Variants in MSRA observed in about 807,000 individuals in gnomAD.
The protein encoded by MSRA is mitochondrial peptide methionine sulfoxide reductase.
Under a neutral mutation model 31.3 loss-of-function variants are expected in MSRA, and 54 were observed. The ratio of observed to expected loss-of-function variants is 1.73; its 90% CI spans 1.39 to 2.17. The LOEUF (loss-of-function observed/expected upper bound fraction) is 2.17, where lower values mean the gene tolerates loss of function less well. Among genes scored for constraint, MSRA ranks in the 30% most tolerant of loss-of-function variants. The probability of loss-of-function intolerance (pLI) is 0.00; values close to 1 mark genes in which losing one functional copy is unlikely to be tolerated. For missense variants in MSRA, 507 were observed against 300.9 expected (o/e 1.69, Z -5.07); for synonymous variants, 169 against 116.5 (o/e 1.45, Z -2.90).
At chr8:10,353,396 G>A (rs542008684) in intron 5 of MSRA, among the ~76,000 whole-genome samples, 34 of 152,332 alleles carry the variant, frequency 2.2e-4, no homozygotes, top group African/African-American at 7.2e-4. Flanking sequence ...CGTCCGTGGC[G>A]TGTACGGAGG....
rs531869671 is a variant in MSRA, at chr8:10,366,385, C to T, written c.543+46396C>T. Among the ~76,000 whole-genome samples, 36 of 152,358 alleles carry T rather than the reference C, an allele frequency of 2.4e-4. No homozygotes were observed. In the South Asian group the frequency reaches 2.7e-3, roughly 11 times the overall value. On this transcript the variant is annotated intron_variant, in intron 5 of 5. Transcript: ENST00000317173. ...GAAGATGCGAGGGCCCCAGGCTGGG[C>T]AGGGCACTGCGTGGCCCTGAGCCAG...
At chr8:10,131,816 G>C (rs186727844) in intron 1 of MSRA, among the ~76,000 whole-genome samples, 66 of 152,244 alleles carry the variant, frequency 4.3e-4, no homozygotes, top group Non-Finnish European at 8.4e-4. Context: ...CACACAGGAG[G>C]GAAATGGAGA....
intron 1 of MSRA, among the ~76,000 whole-genome samples, chr8:10,205,723 A>G (rs1808904214): frequency 6.6e-6 from 1 of 152,236 alleles, no homozygotes; most frequent in South Asian, 2.1e-4. Flanking sequence ...AATGTCTTGC[A>G]TAGTCTTTGT....
At chr8:10,286,376 G>A (rs1396308156) in intron 3 of MSRA, among the ~76,000 whole-genome samples, 1 of 152,128 alleles carries the variant, frequency 6.6e-6, no homozygotes, top group Non-Finnish European at 1.5e-5. Flanking sequence ...GAGATCTCAT[G>A]GTTATAAAAA....
At chr8:10,235,831 C>T (rs1269415217) in intron 2 of MSRA, among the ~76,000 whole-genome samples, 2 of 151,982 alleles carry the variant, frequency 1.3e-5, no homozygotes, top group East Asian at 3.9e-4. Context: ...AACCTTGATA[C>T]CAATTCTGGA....
intron 5 of MSRA, among the ~76,000 whole-genome samples, chr8:10,420,191 C>A (rs1275682679): frequency 6.9e-6 from 1 of 144,726 alleles, no homozygotes; most frequent in East Asian, 2.0e-4. Context: ...AAAAGACATA[C>A]TGTGGAATTC....
In MSRA at chr8:10,158,499, T is replaced by A. The variant is rs187550707; in HGVS notation, c.143-49334T>A. On this transcript the variant is annotated intron_variant, in intron 1 of 5. Coordinates refer to ENST00000317173, the MANE Select transcript of MSRA (RefSeq NM_012331.5). The stretch of plus-strand genomic sequence containing the variant: ...TATGTGGCCTATTGGCTTCTTTCAC[T>A]AGCATAAGTTTTCAGGATTCATCTG... Among the ~76,000 whole-genome samples the A allele has an allele frequency of 1.8e-3, 276 of 152,360 alleles. 1 individual carries two copies. The highest frequency in any genetic ancestry group is 3.3e-3 in the Admixed American group (50 of 15,304).
intron 5 of MSRA, among the ~76,000 whole-genome samples, chr8:10,388,426 T>C (rs1379339871): frequency 6.6e-6 from 1 of 152,202 alleles, no homozygotes; most frequent in Non-Finnish European, 1.5e-5. Context: ...ACTTCTCTGT[T>C]TTCAGAGCTT....
chr8:10,248,788 C>A (rs1290783655), intron 3 of MSRA, among the ~76,000 whole-genome samples: 2 of 152,172 alleles, frequency 1.3e-5, no homozygotes, highest in Non-Finnish European at 2.9e-5. Flanking sequence ...TCATGGTGGG[C>A]AGTCTCCATT....
chr8:10,237,787 C>G (rs916003267), intron 2 of MSRA, among the ~76,000 whole-genome samples: 25 of 152,216 alleles, frequency 1.6e-4, no homozygotes, highest in Non-Finnish European at 4.4e-5. Context: ...TTGGCTCTAT[C>G]TTCAAAATAT....
At chr8:10,207,997 G>C in intron 2 of MSRA, 96 bp downstream of exon 2, 1 of 906,008 alleles carries the variant, frequency 1.1e-6, no homozygotes, top group South Asian at 1.8e-5. Context: ...TTCAAAATCT[G>C]GGCTCTTCTA....
chr8:10,177,848 A>G (rs763241784), intron 1 of MSRA, among the ~76,000 whole-genome samples: 5 of 152,168 alleles, frequency 3.3e-5, no homozygotes, highest in Admixed American at 6.5e-5. Context: ...ATTTGTTTCA[A>G]TTGAATTTGT....
At chr8:10,253,977 G>C (rs2975699) in intron 3 of MSRA, among the ~76,000 whole-genome samples, 1 of 152,148 alleles carries the variant, frequency 6.6e-6, no homozygotes, top group Admixed American at 6.5e-5. Context: ...GCACCCAGAC[G>C]TGAGCGGAGC....
intron 4 of MSRA, among the ~76,000 whole-genome samples, chr8:10,318,204 C>A (rs1176895676): frequency 6.6e-6 from 1 of 152,122 alleles, no homozygotes; most frequent in Non-Finnish European, 1.5e-5. Context: ...GCAGGATGGC[C>A]ATTTACCTGC....
intron 3 of MSRA, among the ~76,000 whole-genome samples, chr8:10,264,526 G>A (rs1044750292): frequency 2.6e-5 from 4 of 152,316 alleles, no homozygotes; most frequent in African/African-American, 7.2e-5. Context: ...GCTAAAGCCA[G>A]TGCTGCCAGG....
At chr8:10,237,131 G>C (rs773585025) in intron 2 of MSRA, among the ~76,000 whole-genome samples, 3 of 152,218 alleles carry the variant, frequency 2.0e-5, no homozygotes, top group Non-Finnish European at 4.4e-5. Flanking sequence ...TTTTCATTGT[G>C]TTGTGGTTGG....
intron 5 of MSRA, among the ~76,000 whole-genome samples, chr8:10,391,023 A>C (rs987651894): frequency 6.6e-6 from 1 of 150,894 alleles, no homozygotes; most frequent in Non-Finnish European, 1.5e-5. Flanking sequence ...CTGAGTTTTT[A>C]GGGAGAAACC....
intron 3 of MSRA, among the ~76,000 whole-genome samples, chr8:10,257,607 C>T (rs1421132249): frequency 6.6e-6 from 1 of 152,120 alleles, no homozygotes; most frequent in Non-Finnish European, 1.5e-5. Flanking sequence ...GGGGTTTCAT[C>T]ACGTTGGCCA....
intron 1 of MSRA, among the ~76,000 whole-genome samples, chr8:10,191,578 GTGGT>G: frequency 6.6e-6 from 1 of 152,190 alleles, no homozygotes; most frequent in Non-Finnish European, 1.5e-5. Context: ...CTAGACTTTA[GTGGT>G]TCAGAAATGC....
Sources: allele counts gnomAD v4.1 joint callset (sites outside exome capture counted in the v4.1 genomes callset), GRCh38; gene constraint gnomAD v4.1.1; transcripts MANE v1.5; gene names NCBI Gene and HGNC (gene_info 2026-07-23, HGNC 2026-07-21).